GALNTL6: variants seen among roughly 807,000 people sequenced by gnomAD.
GALNTL6 encodes polypeptide N-acetylgalactosaminyltransferase-like 6.
A neutral mutation model predicts 73.7 loss-of-function variants in GALNTL6; 46 were observed. That is an observed-to-expected ratio of 0.62 (90% confidence interval 0.49 to 0.80). The LOEUF is 0.80. Ranked by LOEUF, GALNTL6 falls within the 30% of genes least tolerant of loss-of-function variation. GALNTL6 has a pLI of 0.00. For missense variants in GALNTL6, 604 were observed against 755.0 expected, an observed-to-expected ratio of 0.80 and a Z score of 2.34; for synonymous variants, 259 against 263.7, an observed-to-expected ratio of 0.98 and a Z score of 0.17.
chr4:172,280,183 C>T (rs1738992971), intron 3 of GALNTL6, among the ~76,000 whole-genome samples: 1 of 152,160 alleles, frequency 6.6e-6, no homozygotes, highest in Non-Finnish European at 1.5e-5. Flanking sequence ...ATATTTATCA[C>T]TAATTAGCTA....
intron 2 of GALNTL6, among the ~76,000 whole-genome samples, chr4:172,213,844 G>C (rs1736408956): frequency 6.6e-6 from 1 of 151,978 alleles, no homozygotes; most frequent in Admixed American, 6.6e-5. Context: ...CTGCGCTTTT[G>C]TATCTAAAAA....
At chr4:172,855,756 G>A (rs989481694) in intron 7 of GALNTL6, among the ~76,000 whole-genome samples, 2 of 152,150 alleles carry the variant, frequency 1.3e-5, no homozygotes, top group South Asian at 2.1e-4. Context: ...GTAACATTTC[G>A]TTTTTGCACA....
At chr4:172,117,710 T>C (rs1376578211) in intron 2 of GALNTL6, among the ~76,000 whole-genome samples, 1 of 152,090 alleles carries the variant, frequency 6.6e-6, no homozygotes, top group Non-Finnish European at 1.5e-5. Flanking sequence ...TGCACTAGAA[T>C]GGAACTGAGC....
At chr4:171,858,843 T>G (rs1481445326) in intron 2 of GALNTL6, among the ~76,000 whole-genome samples, 2 of 152,094 alleles carry the variant, frequency 1.3e-5, no homozygotes, top group African/African-American at 4.8e-5. Context: ...GAAAAACTCC[T>G]TATATTTCTT....
chr4:172,887,991 T>A (rs563638251), intron 8 of GALNTL6, among the ~76,000 whole-genome samples: 1 of 152,350 alleles, frequency 6.6e-6, no homozygotes, highest in South Asian at 2.1e-4. Context: ...TGGCCACTTG[T>A]ATGTCTTCTT....
chr4:172,375,473 C>T (rs1278864341), intron 5 of GALNTL6, among the ~76,000 whole-genome samples: 3 of 152,066 alleles, frequency 2.0e-5, no homozygotes, highest in Non-Finnish European at 4.4e-5. Context: ...ATCTGAAAGA[C>T]AAAAATGCCC....
chr4:172,030,806 A>G (rs1160474697), intron 2 of GALNTL6, among the ~76,000 whole-genome samples: 1 of 148,830 alleles, frequency 6.7e-6, no homozygotes, highest in African/African-American at 2.6e-5. Flanking sequence ...ACACACATAC[A>G]TACACATATA....
intron 5 of GALNTL6, among the ~76,000 whole-genome samples, chr4:172,778,473 A>G (rs1579469509): frequency 6.6e-6 from 1 of 152,208 alleles, no homozygotes; most frequent in South Asian, 2.1e-4. Flanking sequence ...GGATGAGACT[A>G]TAAATTGTTT....
At position 173,026,739 on chromosome 4, in the gene GALNTL6, T is replaced by A. The variant is rs184980056; in HGVS notation, c.1638+5114T>A. On this transcript the variant is annotated intron_variant, in intron 12 of 12. Transcript: ENST00000506823. ...GCTTTTTCACACAGATTTTTAGGGA[T>A]TTTTTCTATATATAAGTGCCTCATT... Among the ~76,000 whole-genome samples, 73 of 152,318 alleles carry A rather than the reference T, an allele frequency of 4.8e-4. No homozygotes were observed. The East Asian group carries it at 0.013, about 27-fold the overall frequency.
At chr4:172,021,837 A>G (rs10434401) in intron 2 of GALNTL6, among the ~76,000 whole-genome samples, 6,518 of 152,170 alleles carry the variant, frequency 0.043, 260 homozygotes, top group African/African-American at 0.1. Flanking sequence ...ACTTTGAGGA[A>G]AAGATAATCT....
chr4:172,729,045 T>C (rs1013735166), intron 5 of GALNTL6, among the ~76,000 whole-genome samples: 8 of 152,204 alleles, frequency 5.3e-5, no homozygotes, highest in African/African-American at 1.9e-4. Flanking sequence ...TTGAGATCCT[T>C]TGCCTATTTT....
intron 8 of GALNTL6, among the ~76,000 whole-genome samples, chr4:172,927,754 C>T (rs1193782717): frequency 6.6e-6 from 1 of 152,082 alleles, no homozygotes; most frequent in Non-Finnish European, 1.5e-5. Flanking sequence ...CTCAGAGAGT[C>T]AAATTTCTCA....
intron 8 of GALNTL6, among the ~76,000 whole-genome samples, chr4:172,895,874 T>A (rs1034583547): frequency 1.3e-5 from 2 of 152,218 alleles, no homozygotes; most frequent in Non-Finnish European, 2.9e-5. Context: ...AGCTCACTGA[T>A]TCTTTTGTTT....
chr4:172,311,499 TC>T, intron 3 of GALNTL6, 114 bp from the exon 4 acceptor site: 1 of 688,616 alleles, frequency 1.5e-6, no homozygotes, highest in Non-Finnish European at 2.2e-6. Context: ...TAGTACTAGC[TC>T]CTTCTGCAGA....
intron 2 of GALNTL6, among the ~76,000 whole-genome samples, chr4:172,218,972 A>G (rs1357920627): frequency 6.6e-6 from 1 of 151,502 alleles, no homozygotes; most frequent in African/African-American, 2.4e-5. Context: ...TCTTACAACT[A>G]CATGAGATAA....
chr4:172,681,649 A>G (rs1456306753), intron 5 of GALNTL6, among the ~76,000 whole-genome samples: 3 of 152,248 alleles, frequency 2.0e-5, no homozygotes, highest in Non-Finnish European at 2.9e-5. Flanking sequence ...AATTAGTTAC[A>G]TAATTATGAT....
At position 173,040,607 on chromosome 4, in the gene GALNTL6, G is replaced by A. The variant is rs993146426; in HGVS notation, c.*507G>A. The stretch of plus-strand genomic sequence containing the variant: ...AGGTTTAACCCTTAAAAGTGCTGCA[G>A]ATGATTTCAGAGTGCTCACACTATT... On this transcript the variant is annotated 3_prime_UTR_variant, in exon 13 of 13. Transcript: ENST00000506823. 6.5e-6 allele frequency: 1 copy of A among 153,006 alleles called. No homozygotes were observed. Among genetic ancestry groups the A allele is most frequent in the African/African-American group, 2.4e-5 (1 of 41,434 alleles). 9.5% of individuals were successfully genotyped at this position (153,006 alleles called of 1,614,324 possible).
At chr4:172,856,404 A>G (rs1744122805) in intron 7 of GALNTL6, among the ~76,000 whole-genome samples, 1 of 152,166 alleles carries the variant, frequency 6.6e-6, no homozygotes, top group African/African-American at 2.4e-5. Context: ...ATTTTCAAAC[A>G]TCTCATTATA....
chr4:172,012,524 A>T (rs1196306405), intron 2 of GALNTL6, among the ~76,000 whole-genome samples: 1 of 152,014 alleles, frequency 6.6e-6, no homozygotes, highest in African/African-American at 2.4e-5. Context: ...ATAGTAAATA[A>T]ATACTTTTAA....
Sources: gnomAD v4.1 joint callset for allele counts (sites outside exome capture counted in the v4.1 genomes callset) on GRCh38, gnomAD v4.1.1 for gene constraint, MANE v1.5 for transcripts, NCBI Gene and HGNC (gene_info 2026-07-23, HGNC 2026-07-21) for gene names.